Variants in TC2N observed in about 807,000 individuals in gnomAD.
TC2N encodes tandem C2 domains, nuclear, also known as tandem C2 domains nuclear protein.
A neutral mutation model predicts 61.9 loss-of-function variants in TC2N; 51 were observed. The ratio of observed to expected loss-of-function variants is 0.82; its 90% CI spans 0.66 to 1.04. The LOEUF is 1.04. Ranked by LOEUF, TC2N falls within the 50% of genes least tolerant of loss-of-function variation. The pLI, the probability that TC2N is intolerant of heterozygous loss-of-function variation, is 0.00. For synonymous variants in TC2N, 204 were observed against 192.6 expected, an observed-to-expected ratio of 1.06 and a Z score of -0.49; for missense variants, 556 against 566.7, an observed-to-expected ratio of 0.98 and a Z score of 0.19.
Position 91,781,995 on chromosome 14 carries a change from A to G in TC2N, c.*1105T>C, listed in dbSNP as rs1384701334. The G allele has an allele frequency of 6.6e-6, 1 of 152,046 alleles. No individual in the cohort carries two copies. Among genetic ancestry groups the G allele is most frequent in the Non-Finnish European group, 1.5e-5 (1 of 67,926 alleles). The allele number at this position is 152,046 out of a possible 1,614,324, so 9.4% of individuals were successfully genotyped here. A position where few individuals can be genotyped will look rare whatever the true frequency, so the allele number is the denominator to read the frequency against. The stretch of plus-strand genomic sequence containing the variant: ...AAAGGGAAGACTGAGAACACAGAGC[A>G]CTTAGTCTACTTATTAGCAAAAATA... On this transcript the variant is annotated 3_prime_UTR_variant, in exon 12 of 12. Coordinates refer to ENST00000435962, the MANE Select transcript of TC2N (RefSeq NM_001128596.3).
At chr14:91,805,174 G>A (rs1024638793) in intron 3 of TC2N, among the ~76,000 whole-genome samples, 4 of 152,110 alleles carry the variant, frequency 2.6e-5, no homozygotes, top group African/African-American at 9.7e-5. Flanking sequence ...ACATGGCAAT[G>A]ATTGTCATCA....
intron 8 of TC2N, among the ~76,000 whole-genome samples, chr14:91,797,540 T>C (rs549907304): frequency 9.2e-5 from 14 of 152,118 alleles, no homozygotes; most frequent in Non-Finnish European, 1.3e-4. Flanking sequence ...ACAGGTTTCT[T>C]AGATATTGTT....
At position 91,837,731 on chromosome 14, in the gene TC2N, C is replaced by T. The variant is rs1404193666; in HGVS notation, c.-56-23906G>A. Reference sequence around the variant, plus strand: ...TTTTCCTTGAGATTCACAATGCATACTAGCATTTTACAGGCATAAGAACCA... The same window carrying T: ...TTTTCCTTGAGATTCACAATGCATATTAGCATTTTACAGGCATAAGAACCA... On this transcript the variant is annotated intron_variant, in intron 1 of 11. Coordinates refer to ENST00000435962, the MANE Select transcript of TC2N (RefSeq NM_001128596.3). This position sits in a 1 kb window ranked among gnomAD's most constrained non-coding sequence, Gnocchi z 4.2. Among the ~76,000 whole-genome samples the T allele has an allele frequency of 6.6e-6, 1 of 152,184 alleles. No individual in the cohort carries two copies. The highest frequency in any genetic ancestry group is 1.5e-5 in the Non-Finnish European group (1 of 68,024).
At chr14:91,834,961 T>C (rs989926205) in intron 1 of TC2N, among the ~76,000 whole-genome samples, 2 of 152,194 alleles carry the variant, frequency 1.3e-5, no homozygotes, top group Non-Finnish European at 2.9e-5. Flanking sequence ...TGATCTTGAC[T>C]TCAGAAAACC....
chr14:91,816,898 A>G (rs766800337), intron 1 of TC2N, among the ~76,000 whole-genome samples: 6 of 152,008 alleles, frequency 3.9e-5, no homozygotes, highest in Middle Eastern at 3.4e-3. Context: ...CCAATGGTAT[A>G]TCATTTTAAT....
intron 1 of TC2N, among the ~76,000 whole-genome samples, chr14:91,850,123 T>A (rs1453896380): frequency 6.6e-6 from 1 of 151,220 alleles, no homozygotes; most frequent in African/African-American, 2.4e-5. Flanking sequence ...AGTTCTGGCA[T>A]TAATACTTTT....
chr14:91,798,815 T>C (rs1886050504), intron 6 of TC2N, among the ~76,000 whole-genome samples, 174 bp downstream of exon 6: 1 of 151,990 alleles, frequency 6.6e-6, no homozygotes, highest in African/African-American at 2.4e-5. Context: ...CCATGTGATC[T>C]GAGTATCCAT....
intron 3 of TC2N, among the ~76,000 whole-genome samples, chr14:91,808,210 T>G (rs1025081436): frequency 8.5e-5 from 13 of 152,206 alleles, no homozygotes; most frequent in African/African-American, 3.1e-4. Flanking sequence ...CTTTTAACTT[T>G]TATACCATAT....
At chr14:91,804,565 T>C (rs931469804) in intron 3 of TC2N, among the ~76,000 whole-genome samples, 2 of 152,176 alleles carry the variant, frequency 1.3e-5, no homozygotes, top group Non-Finnish European at 2.9e-5. Flanking sequence ...TAATATACAC[T>C]TACTGTACAG....
chr14:91,838,146 C>CTTTT (rs11406325), intron 1 of TC2N, among the ~76,000 whole-genome samples: 24 of 131,814 alleles, frequency 1.8e-4, no homozygotes, highest in African/African-American at 6.7e-4. Flanking sequence ...TCATTTGTTC[C>CTTTT]TTTTTTTTTT....
intron 3 of TC2N, among the ~76,000 whole-genome samples, chr14:91,807,003 A>T (rs8009453): frequency 0.067 from 10,192 of 152,288 alleles, 1,026 homozygotes; most frequent in African/African-American, 0.22. Flanking sequence ...CAATGGCTAA[A>T]GGGGCCAAGG....
intron 1 of TC2N, among the ~76,000 whole-genome samples, chr14:91,819,804 A>G (rs754903334): frequency 1.3e-5 from 2 of 152,190 alleles, no homozygotes; most frequent in African/African-American, 2.4e-5. Context: ...TAATTATAGT[A>G]TATGTGATGT....
intron 10 of TC2N, among the ~76,000 whole-genome samples, chr14:91,786,603 T>G (rs1018628476): frequency 6.6e-5 from 10 of 152,232 alleles, no homozygotes; most frequent in Non-Finnish European, 1.2e-4. Context: ...CTGCTGAATT[T>G]CTCAGAAAGT....
chr14:91,792,432 G>A lies in TC2N; in HGVS notation c.982C>T (p.Leu328Phe). The change falls in exon 9 of 12, where the codon CTC becomes TTC. Residue 328 changes from leucine (L) to phenylalanine (F), a missense_variant. Transcript: ENST00000435962. ...KKTIGECSMS[L>F]RTLSTQEMDY... The stretch of plus-strand genomic sequence containing the variant: ...ATTTCCTGTGTGCTAAGGGTTCTGA[G>A]TGACATTGAGCATTCTCCAATGGTT... The A allele has an allele frequency of 6.2e-7, 1 of 1,610,798 alleles. No individual in the cohort carries two copies. Among genetic ancestry groups the A allele is most frequent in the Non-Finnish European group, 8.5e-7 (1 of 1,177,900 alleles).
At chr14:91,816,774 T>C (rs886909901) in intron 1 of TC2N, among the ~76,000 whole-genome samples, 1 of 151,924 alleles carries the variant, frequency 6.6e-6, no homozygotes, top group African/African-American at 2.4e-5. Flanking sequence ...ATATTAAAAA[T>C]TCCATATTTT....
At chr14:91,790,158 T>C (rs1885576012) in intron 9 of TC2N, among the ~76,000 whole-genome samples, 1 of 152,202 alleles carries the variant, frequency 6.6e-6, no homozygotes, top group South Asian at 2.1e-4. Flanking sequence ...GTAAGATAAA[T>C]CTCTGTAAAT....
intron 1 of TC2N, among the ~76,000 whole-genome samples, chr14:91,822,636 GA>G (rs1184553796): frequency 6.6e-6 from 1 of 151,732 alleles, no homozygotes; most frequent in Non-Finnish European, 1.5e-5. Context: ...GTGGGGAGAT[GA>G]AGCACAGAGA....
chr14:91,799,160 T>A (rs1886084419), intron 5 of TC2N, 96 bp from the exon 6 acceptor site: 2 of 730,484 alleles, frequency 2.7e-6, no homozygotes. Flanking sequence ...ACAAACTGCA[T>A]GCTAACTATT....
intron 1 of TC2N, among the ~76,000 whole-genome samples, chr14:91,820,225 A>G (rs1047615957): frequency 1.3e-5 from 2 of 152,212 alleles, no homozygotes; most frequent in East Asian, 3.9e-4. Context: ...CAAAATCCTC[A>G]ATGAAATACT....
Sources: gnomAD v4.1 joint callset for allele counts (sites outside exome capture counted in the v4.1 genomes callset) on GRCh38, gnomAD v4.1.1 for gene constraint, Gnocchi (gnomAD v3.1) non-coding constraint, MANE v1.5 for transcripts, NCBI Gene and HGNC (gene_info 2026-07-23, HGNC 2026-07-21) for gene names.